The following LRBA variants were observed in gnomAD, a reference collection of about 807,000 sequenced individuals.
The protein encoded by LRBA is lipopolysaccharide-responsive and beige-like anchor protein.
Under a neutral mutation model 330.0 loss-of-function variants are expected in LRBA, and 176 were observed. That is an observed-to-expected ratio of 0.53 (90% CI 0.47 to 0.60). LRBA has a LOEUF of 0.60. Ranked by LOEUF, LRBA falls within the 20% of genes least tolerant of loss-of-function variation. The probability of loss-of-function intolerance (pLI) is 0.00; values close to 1 mark genes in which losing one functional copy is unlikely to be tolerated. For missense variants in LRBA, 3,259 were observed against 3,444.8 expected (o/e 0.95, Z 1.35); for synonymous variants, 1,230 against 1,193.0 (o/e 1.03, Z -0.64).
At chr4:150,276,888 C>T (rs1402137491) in intron 56 of LRBA, among the ~76,000 whole-genome samples, 1 of 152,118 alleles carries the variant, frequency 6.6e-6, no homozygotes, top group East Asian at 1.9e-4. Context: ...GGATATAGAA[C>T]CAGAAATACC....
intron 37 of LRBA, among the ~76,000 whole-genome samples, chr4:150,650,473 T>G (rs1779604713): frequency 6.6e-6 from 1 of 152,130 alleles, no homozygotes; most frequent in Admixed American, 6.5e-5. Context: ...GAAAGTAGTA[T>G]ATAATAAGTA....
At chr4:150,423,267 A>T (rs1355275387) in intron 46 of LRBA, 1 of 986,352 alleles carries the variant, frequency 1.0e-6, no homozygotes, top group East Asian at 2.4e-5. Flanking sequence ...GCCTCCCAGC[A>T]TCTCCTGTAG....
chr4:150,765,071 A>G (rs1366827428), intron 34 of LRBA, among the ~76,000 whole-genome samples: 1 of 150,054 alleles, frequency 6.7e-6, no homozygotes, highest in Non-Finnish European at 1.5e-5. Context: ...AGACAATGGA[A>G]TATTATTCAG....
chr4:150,480,472 T>C (rs1294668487), intron 42 of LRBA, among the ~76,000 whole-genome samples: 1 of 151,968 alleles, frequency 6.6e-6, no homozygotes, highest in African/African-American at 2.4e-5. Context: ...TATGATGTAA[T>C]AGAGCAAAAT....
intron 2 of LRBA, among the ~76,000 whole-genome samples, chr4:151,004,414 A>T (rs952912352): frequency 1.3e-5 from 2 of 152,240 alleles, no homozygotes; most frequent in Non-Finnish European, 2.9e-5. Flanking sequence ...GGTAGCATAT[A>T]CATACAGCAT....
At chr4:150,574,194 AT>A (rs1351052009) in intron 40 of LRBA, among the ~76,000 whole-genome samples, 3 of 152,062 alleles carry the variant, frequency 2.0e-5, no homozygotes, top group African/African-American at 7.2e-5. Context: ...TATACTCAGG[AT>A]TTTTCCCAAG....
At chr4:150,676,180 C>T (rs1782542696) in intron 37 of LRBA, among the ~76,000 whole-genome samples, 1 of 152,114 alleles carries the variant, frequency 6.6e-6, no homozygotes, top group Admixed American at 6.6e-5. Context: ...AATACAAAGG[C>T]ATCAAACTGC....
chr4:150,776,352 A>G (rs1235336546), intron 34 of LRBA, among the ~76,000 whole-genome samples: 1 of 152,142 alleles, frequency 6.6e-6, no homozygotes, highest in Non-Finnish European at 1.5e-5. Context: ...TAATTCAAGC[A>G]TATCACTGTC....
At chr4:150,678,053 A>C (rs1782726342) in intron 37 of LRBA, among the ~76,000 whole-genome samples, 1 of 151,996 alleles carries the variant, frequency 6.6e-6, no homozygotes, top group Admixed American at 6.6e-5. Context: ...CAGCCTGGCC[A>C]ACATGGTGAA....
intron 28 of LRBA, among the ~76,000 whole-genome samples, chr4:150,838,796 CAA>C (rs1044282170): frequency 6.6e-6 from 1 of 152,166 alleles, no homozygotes; most frequent in Non-Finnish European, 1.5e-5. Context: ...CTCAACTCGT[CAA>C]AGTCATTCTC....
chr4:150,653,258 C>A (rs1366792873), intron 37 of LRBA, among the ~76,000 whole-genome samples: 1 of 152,148 alleles, frequency 6.6e-6, no homozygotes, highest in Non-Finnish European at 1.5e-5. Flanking sequence ...ATATGATTCT[C>A]AAAATATTAG....
intron 53 of LRBA, among the ~76,000 whole-genome samples, chr4:150,287,680 C>T (rs1213337350): frequency 1.3e-5 from 2 of 152,214 alleles, no homozygotes; most frequent in Admixed American, 6.5e-5. Context: ...ACCACACTGG[C>T]GTGCTATGTG....
chr4:150,386,497 T>A (rs1476435214), intron 47 of LRBA, among the ~76,000 whole-genome samples: 3 of 147,290 alleles, frequency 2.0e-5, no homozygotes, highest in Non-Finnish European at 4.5e-5. Context: ...AGCTTCCACT[T>A]CTAGGTGAGA....
At chr4:150,288,148 C>T (rs1043492011) in intron 53 of LRBA, among the ~76,000 whole-genome samples, 3 of 152,136 alleles carry the variant, frequency 2.0e-5, no homozygotes, top group African/African-American at 4.8e-5. Flanking sequence ...CCCGCCACTG[C>T]GCCCAGCTAA....
At chr4:150,776,810 A>C (rs928638773) in intron 34 of LRBA, among the ~76,000 whole-genome samples, 1 of 152,150 alleles carries the variant, frequency 6.6e-6, no homozygotes, top group Non-Finnish European at 1.5e-5. Flanking sequence ...ACTCCGTGTC[A>C]AAAAAATAAA....
chr4:150,279,214 C>G (rs1008326876), intron 55 of LRBA, among the ~76,000 whole-genome samples: 9 of 152,116 alleles, frequency 5.9e-5, no homozygotes, highest in Non-Finnish European at 1.2e-4. Flanking sequence ...AATGCAGAAC[C>G]CTCAAAGCTG....
At chr4:150,641,652 A>G (rs956803969) in intron 37 of LRBA, among the ~76,000 whole-genome samples, 14 of 152,134 alleles carry the variant, frequency 9.2e-5, no homozygotes, top group Non-Finnish European at 7.4e-5. Context: ...TTCAAGTGGA[A>G]CTATCTAAAC....
intron 28 of LRBA, among the ~76,000 whole-genome samples, chr4:150,836,780 G>T (rs1748165457): frequency 6.6e-6 from 1 of 151,996 alleles, no homozygotes; most frequent in South Asian, 2.1e-4. Flanking sequence ...AGGGTTTTTT[G>T]TGTCTCTATC....
intron 36 of LRBA, among the ~76,000 whole-genome samples, chr4:150,712,480 C>G (rs1418036044): frequency 6.6e-6 from 1 of 152,090 alleles, no homozygotes; most frequent in Admixed American, 6.6e-5. Flanking sequence ...AACCCTTTAG[C>G]TGTCTAAAGG....
Sources: allele counts gnomAD v4.1 joint callset (sites outside exome capture counted in the v4.1 genomes callset), GRCh38; gene constraint gnomAD v4.1.1; transcripts MANE v1.5; gene names NCBI Gene and HGNC (gene_info 2026-07-23, HGNC 2026-07-21).